MTMR3: variants seen among roughly 807,000 people sequenced by gnomAD.
MTMR3 encodes myotubularin related protein 3, also known as phosphatidylinositol-3,5-bisphosphate 3-phosphatase MTMR3.
A neutral mutation model predicts 132.4 loss-of-function variants in MTMR3; 32 were observed. That is an observed-to-expected ratio of 0.24 (90% CI 0.18 to 0.32). The LOEUF (loss-of-function observed/expected upper bound fraction) is 0.32. Among genes scored for constraint, MTMR3 ranks in the 10% least tolerant of loss-of-function variants. The pLI is 1.00. For missense variants in MTMR3, 1,216 were observed against 1,489.6 expected (o/e 0.82, Z 3.02); for synonymous variants, 556 against 550.3 (o/e 1.01, Z -0.14).
chr22:29,922,890 G>GT (rs1244646272), intron 1 of MTMR3, among the ~76,000 whole-genome samples: 7,909 of 134,500 alleles, frequency 0.059, 655 homozygotes, highest in African/African-American at 0.19. Flanking sequence ...AGTGACTAGT[G>GT]TTTTTTTTTT....
chr22:29,888,816 C>G (rs1429184400), intron 1 of MTMR3, among the ~76,000 whole-genome samples: 1 of 146,760 alleles, frequency 6.8e-6, no homozygotes, highest in African/African-American at 2.5e-5. Context: ...CTCTGTTGCC[C>G]AGGCTGGAGT....
chr22:29,939,797 C>A (rs1411747308), intron 1 of MTMR3, among the ~76,000 whole-genome samples: 1 of 152,098 alleles, frequency 6.6e-6, no homozygotes, highest in Non-Finnish European at 1.5e-5. Flanking sequence ...GCCACTCTGC[C>A]CAGGCTAAGC....
At chr22:29,966,728 T>TGC (rs778447144) in intron 2 of MTMR3, among the ~76,000 whole-genome samples, 3,988 of 25,186 alleles carry the variant, frequency 0.16, 238 homozygotes, top group East Asian at 0.48. Flanking sequence ...GGGGTGTGCG[T>TGC]GTGTGTGTGT....
chr22:29,887,129 A>G (rs1308174745), intron 1 of MTMR3, among the ~76,000 whole-genome samples: 3 of 152,166 alleles, frequency 2.0e-5, no homozygotes, highest in African/African-American at 4.8e-5. Flanking sequence ...TTGCTTTTGT[A>G]TCTAGAAACA....
Position 30,020,194 on chromosome 22 carries a change from T to C in MTMR3, c.2535T>C (p.Ser845=), listed in dbSNP as rs750777248. ...CCAGAGGACCAAACGTGGACAGTTC[T>C]ACAGACATGTTAGTGGAAGATAAGG... is the stretch of plus-strand genomic sequence containing the variant. ...FETRGPNVDS[S]TDMLVEDKVK... is the part of the protein sequence containing the mutation. The change falls in exon 17 of 20, where the codon TCT becomes TCC. Residue 845 remains serine, a synonymous_variant. Coordinates refer to ENST00000401950, the MANE Select transcript of MTMR3 (RefSeq NM_021090.4). 2 of 1,614,230 alleles carry C rather than the reference T, an allele frequency of 1.2e-6. No homozygotes were observed. Among genetic ancestry groups the C allele is most frequent in the South Asian group, 2.2e-5 (2 of 91,086 alleles).
chr22:30,020,005 C>A lies in MTMR3; in HGVS notation c.2346C>A (p.Pro782=). The A allele has an allele frequency of 1.2e-6, 2 of 1,614,174 alleles. No individual in the cohort carries two copies. The highest frequency in any genetic ancestry group is 3.3e-5 in the Admixed American group (2 of 60,024). ...TTCTCCTCAGTTCTCTCCAGGTCCC[C>A]CCCAGGGGAGAGGATTCCCTGGAGG... The part of the protein sequence containing the change: ...LSVLLSSLQV[P]PRGEDSLEVP... The change falls in exon 17 of 20, where the codon CCC becomes CCA. Residue 782 remains proline (P), a synonymous_variant. Coordinates refer to ENST00000401950, the MANE Select transcript of MTMR3 (RefSeq NM_021090.4).
At chr22:30,012,171 G>C in intron 12 of MTMR3, 197 bp from the exon 13 acceptor site, 1 of 544,712 alleles carries the variant, frequency 1.8e-6, no homozygotes, top group South Asian at 2.6e-5. Flanking sequence ...TATTTCTAAG[G>C]CTCTTCTCTA....
In MTMR3 at chr22:29,949,129, ACACACACACACACACCCCCC is replaced by A. The variant is rs1569019558; in HGVS notation, c.-137-7905_-137-7886del. On this transcript the variant is annotated intron_variant, in intron 1 of 19. Coordinates refer to ENST00000401950, the MANE Select transcript of MTMR3 (RefSeq NM_021090.4). The stretch of plus-strand genomic sequence containing the variant: ...CACACACACACACACACACACACAC[ACACACACACACACACCCCCC>A]CCCCCCCCCCCGAGGCCCTGTCTTA... Among the ~76,000 whole-genome samples, 15 of 30,512 alleles carry A rather than the reference ACACACACACACACACCCCCC, an allele frequency of 4.9e-4. 1 individual carries two copies. In the South Asian group the frequency reaches 9.5e-3, roughly 19 times the overall value. 20.0% of individuals were successfully genotyped at this position (30,512 alleles called of 152,430 possible).
chr22:29,893,086 A>G (rs2064829206), intron 1 of MTMR3, among the ~76,000 whole-genome samples: 1 of 152,246 alleles, frequency 6.6e-6, no homozygotes, highest in Non-Finnish European at 1.5e-5. Flanking sequence ...TGCCTGGTAC[A>G]GAGTAAGCTG....
intron 1 of MTMR3, among the ~76,000 whole-genome samples, chr22:29,950,908 G>A (rs984090479): frequency 1.6e-4 from 22 of 138,400 alleles, no homozygotes; most frequent in African/African-American, 5.2e-4. Flanking sequence ...ATCCTAGCAC[G>A]TTGGGAGGCC....
At chr22:29,936,415 C>T (rs750225050) in intron 1 of MTMR3, among the ~76,000 whole-genome samples, 8 of 152,156 alleles carry the variant, frequency 5.3e-5, no homozygotes, top group Non-Finnish European at 8.8e-5. Context: ...CATAAACTTA[C>T]AGCTCAGTAA....
At chr22:30,024,540 T>G (rs2067855941) in intron 19 of MTMR3, 1 of 152,238 alleles carries the variant, frequency 6.6e-6, no homozygotes. Flanking sequence ...TGTGGTATTC[T>G]TTTGTTCCCA....
At chr22:29,900,548 G>A (rs2064985497) in intron 1 of MTMR3, among the ~76,000 whole-genome samples, 1 of 152,074 alleles carries the variant, frequency 6.6e-6, no homozygotes, top group Non-Finnish European at 1.5e-5. Flanking sequence ...AGTTAACTAT[G>A]CCAGGCACTA....
At position 30,013,548 on chromosome 22, in the gene MTMR3, T is replaced by G. The variant is rs1340769595; in HGVS notation, c.1503+7T>G. On this transcript the variant is annotated splice_region_variant and intron_variant, in intron 14 of 19. Coordinates refer to ENST00000401950, the MANE Select transcript of MTMR3 (RefSeq NM_021090.4). ...GTTCAATGAAGCATTCCTTGTAAGT[T>G]TCTTCATTTTGGGGACTTTCTCAAT... The G allele has an allele frequency of 1.2e-5, 20 of 1,612,492 alleles. No individual in the cohort carries two copies. Among genetic ancestry groups the G allele is most frequent in the Non-Finnish European group, 1.5e-5 (18 of 1,179,098 alleles).
At chr22:29,918,932 G>A (rs2065357761) in intron 1 of MTMR3, among the ~76,000 whole-genome samples, 1 of 152,022 alleles carries the variant, frequency 6.6e-6, no homozygotes, top group African/African-American at 2.4e-5. Flanking sequence ...ATTTTTTATT[G>A]CTGAGATCTC....
At chr22:29,923,416 G>A (rs911240699) in intron 1 of MTMR3, among the ~76,000 whole-genome samples, 1 of 151,596 alleles carries the variant, frequency 6.6e-6, no homozygotes, top group Non-Finnish European at 1.5e-5. Flanking sequence ...TGTTTCCCAG[G>A]CTGGTCCCAA....
At chr22:29,939,640 G>T (rs2065816754) in intron 1 of MTMR3, among the ~76,000 whole-genome samples, 1 of 151,746 alleles carries the variant, frequency 6.6e-6, no homozygotes, top group South Asian at 2.2e-4. Flanking sequence ...ATGTATGAAG[G>T]TATTACTTGA....
chr22:29,943,924 C>T (rs903368122), intron 1 of MTMR3, among the ~76,000 whole-genome samples: 12 of 151,950 alleles, frequency 7.9e-5, no homozygotes, highest in East Asian at 5.8e-4. Flanking sequence ...CCTGGGCTTA[C>T]GCCATTCTCC....
chr22:30,018,069 G>A lies in MTMR3; in HGVS notation c.1817G>A (p.Ser606Asn). The A allele has an allele frequency of 6.2e-7, 1 of 1,607,110 alleles. No individual in the cohort carries two copies. Among genetic ancestry groups the A allele is most frequent in the Non-Finnish European group, 8.5e-7 (1 of 1,177,704 alleles). The change falls in exon 16 of 20, where the codon AGC becomes AAC. Residue 606 changes from serine (S) to asparagine (N), a missense_variant. Physicochemically the swap from Ser to Asn is conservative, Grantham distance 46. This residue lies in a region of MTMR3 where 852 missense variants were observed against 852.0 expected (regional missense o/e 1.00). Transcript: ENST00000401950. ...ACCAGCCCTGATGATCCCCCCCTGA[G>A]CCGGTGAGCCCAGGGTGATGCCACA... is the stretch of plus-strand genomic sequence containing the variant. Reference protein sequence around the residue: ...PGTSPDDPPLSRLPKTRSYDN... With the variant: ...PGTSPDDPPLNRLPKTRSYDN...
Sources: allele counts gnomAD v4.1 joint callset (sites outside exome capture counted in the v4.1 genomes callset), GRCh38; gene constraint gnomAD v4.1.1; regional missense constraint gnomAD v4.1.1; transcripts MANE v1.5; gene names NCBI Gene and HGNC (gene_info 2026-07-23, HGNC 2026-07-21).